Variants in PDE10A observed in about 807,000 individuals in gnomAD.
PDE10A encodes the protein phosphodiesterase 10A.
In PDE10A, 39 loss-of-function variants were observed where a neutral mutation model predicts 97.7. That is an observed-to-expected ratio of 0.40 (90% CI 0.31 to 0.52). The LOEUF (loss-of-function observed/expected upper bound fraction) is 0.52. PDE10A is among the 20% of genes least tolerant of loss of function. PDE10A has a pLI of 0.56. For synonymous variants in PDE10A, 371 were observed against 376.8 expected (o/e 0.98, Z 0.18); for missense variants, 731 against 1,047.8 (o/e 0.70, Z 4.17).
intron 1 of PDE10A, among the ~76,000 whole-genome samples, chr6:165,571,831 T>C (rs1785064081): frequency 6.6e-6 from 1 of 152,240 alleles, no homozygotes; most frequent in Admixed American, 6.5e-5. Flanking sequence ...CTTCAGATCA[T>C]TCATTACACA....
At chr6:165,399,568 G>A (rs1465454541) in intron 13 of PDE10A, among the ~76,000 whole-genome samples, 1 of 151,792 alleles carries the variant, frequency 6.6e-6, no homozygotes, top group East Asian at 1.9e-4. Flanking sequence ...ATCTCCTAAT[G>A]CTATCCCTCC....
intron 1 of PDE10A, chr6:165,948,918 C>T (rs1202886759): frequency 6.6e-6 from 1 of 152,276 alleles, no homozygotes; most frequent in Non-Finnish European, 1.5e-5. Flanking sequence ...TGCAACAAAA[C>T]GTGACAGCCT....
At chr6:165,901,010 G>A (rs1310258107) in intron 1 of PDE10A, among the ~76,000 whole-genome samples, 5 of 152,198 alleles carry the variant, frequency 3.3e-5, no homozygotes, top group African/African-American at 1.2e-4. Context: ...CCAATAATAG[G>A]AGAGGGAGAG....
intron 1 of PDE10A, among the ~76,000 whole-genome samples, chr6:165,969,087 A>G (rs753195872): frequency 6.6e-6 from 1 of 152,266 alleles, no homozygotes; most frequent in Admixed American, 6.5e-5. Flanking sequence ...GCATTTGACA[A>G]TGCCATCAGA....
chr6:165,514,661 T>G (rs1472042982), intron 2 of PDE10A, among the ~76,000 whole-genome samples: 1 of 152,140 alleles, frequency 6.6e-6, no homozygotes, highest in Non-Finnish European at 1.5e-5. Context: ...CGAAATGCCA[T>G]TGATGGGGGA....
chr6:165,550,334 A>C (rs1783950503), intron 1 of PDE10A, among the ~76,000 whole-genome samples: 1 of 152,214 alleles, frequency 6.6e-6, no homozygotes, highest in African/African-American at 2.4e-5. Context: ...TGTAATAATT[A>C]TCTCAATTTT....
intron 2 of PDE10A, among the ~76,000 whole-genome samples, chr6:165,537,223 G>A (rs762968717): frequency 2.0e-5 from 3 of 152,018 alleles, no homozygotes; most frequent in Non-Finnish European, 4.4e-5. Context: ...ATATGTGAGA[G>A]GCTAGAAAAG....
chr6:165,532,384 G>A (rs534137918), intron 2 of PDE10A, among the ~76,000 whole-genome samples: 2 of 151,384 alleles, frequency 1.3e-5, no homozygotes, highest in African/African-American at 2.4e-5. Context: ...CAGCTATAAC[G>A]GAGCTTTGAA....
upstream of PDE10A, among the ~76,000 whole-genome samples, chr6:165,667,565 A>G (rs1049906392): frequency 7.2e-5 from 11 of 151,908 alleles, no homozygotes; most frequent in Non-Finnish European, 1.3e-4. Flanking sequence ...TTTTGATGAG[A>G]TGCAAATGGT....
intron 1 of PDE10A, among the ~76,000 whole-genome samples, chr6:165,590,981 A>G (rs1230954122): frequency 6.6e-6 from 1 of 152,184 alleles, no homozygotes; most frequent in Non-Finnish European, 1.5e-5. Flanking sequence ...TCAGCTAACA[A>G]AGTATTTAAA....
At chr6:165,906,937 G>C (rs1782303126) in intron 1 of PDE10A, among the ~76,000 whole-genome samples, 1 of 152,208 alleles carries the variant, frequency 6.6e-6, no homozygotes, top group Non-Finnish European at 1.5e-5. Flanking sequence ...TCGCTCCTGG[G>C]TTGCAGAAGG....
intron 5 of PDE10A, among the ~76,000 whole-genome samples, chr6:165,435,716 C>A (rs1463584947): frequency 6.6e-6 from 1 of 152,150 alleles, no homozygotes; most frequent in African/African-American, 2.4e-5. Context: ...AGACCACAAA[C>A]ACACACAGGG....
chr6:165,725,598 C>T (rs377063068), intron 1 of PDE10A, among the ~76,000 whole-genome samples: 82 of 151,880 alleles, frequency 5.4e-4, no homozygotes, highest in Non-Finnish European at 6.6e-4. Context: ...AGGGGAGGCC[C>T]GTGGAGTCAG....
intron 10 of PDE10A, among the ~76,000 whole-genome samples, chr6:165,423,452 C>T (rs1032189136): frequency 8.5e-5 from 13 of 152,264 alleles, no homozygotes; most frequent in Admixed American, 3.9e-4. Context: ...AAGCTAAAGA[C>T]GCTGCAGGTC....
intron 1 of PDE10A, among the ~76,000 whole-genome samples, chr6:165,869,018 T>A (rs1025750020): frequency 5.9e-5 from 9 of 152,008 alleles, no homozygotes; most frequent in African/African-American, 2.2e-4. Context: ...AAGCTGAAAG[T>A]CTTTTCTCTA....
At chr6:165,921,742 C>G (rs1782758228) in intron 1 of PDE10A, among the ~76,000 whole-genome samples, 1 of 152,188 alleles carries the variant, frequency 6.6e-6, no homozygotes, top group Non-Finnish European at 1.5e-5. Flanking sequence ...CCACTGCCAT[C>G]ACAGTGAGCC....
intron 1 of PDE10A, among the ~76,000 whole-genome samples, chr6:165,866,058 A>C (rs2500460): frequency 3.3e-5 from 5 of 151,988 alleles, no homozygotes; most frequent in Non-Finnish European, 7.4e-5. Flanking sequence ...AATTAACAAA[A>C]TGCAGAAGTA....
At chr6:165,901,220 A>G (rs1192080030) in intron 1 of PDE10A, among the ~76,000 whole-genome samples, 1 of 152,126 alleles carries the variant, frequency 6.6e-6, no homozygotes, top group Non-Finnish European at 1.5e-5. Context: ...GCCCAGCAGG[A>G]ACTCTGTGCT....
chr6:165,480,025 G>A (rs568057138), intron 3 of PDE10A, among the ~76,000 whole-genome samples: 2 of 152,188 alleles, frequency 1.3e-5, no homozygotes, highest in Admixed American at 1.3e-4. Context: ...ATTTTACCAG[G>A]GTCAAGACGC....
Sources: gnomAD v4.1 joint callset for allele counts (sites outside exome capture counted in the v4.1 genomes callset) on GRCh38, gnomAD v4.1.1 for gene constraint, MANE v1.5 for transcripts, NCBI Gene and HGNC (gene_info 2026-07-23, HGNC 2026-07-21) for gene names.